IKZF2: variants seen among roughly 807,000 people sequenced by gnomAD.
IKZF2 encodes the protein IKAROS family zinc finger 2.
In IKZF2, 15 loss-of-function variants were observed where a neutral mutation model predicts 49.2. The observed-to-expected ratio is 0.30, with a 90% CI of 0.20 to 0.47. The LOEUF (loss-of-function observed/expected upper bound fraction) is 0.47, where lower values mean the gene tolerates loss of function less well. Among genes scored for constraint, IKZF2 ranks in the 20% least tolerant of loss-of-function variants. The probability of loss-of-function intolerance (pLI) is 1.00; values close to 1 mark genes in which losing one functional copy is unlikely to be tolerated. For missense variants in IKZF2, 567 were observed against 664.6 expected (o/e 0.85, Z 1.61); for synonymous variants, 227 against 221.4 (o/e 1.03, Z -0.23).
At chr2:213,102,540 T>A (rs1343240805) in intron 4 of IKZF2, among the ~76,000 whole-genome samples, 1 of 152,040 alleles carries the variant, frequency 6.6e-6, no homozygotes, top group African/African-American at 2.4e-5. Flanking sequence ...CAATAGGAAA[T>A]TTTTTAAGTA....
intron 6 of IKZF2, among the ~76,000 whole-genome samples, chr2:213,036,067 T>C (rs988125997): frequency 6.6e-6 from 1 of 152,156 alleles, no homozygotes; most frequent in Non-Finnish European, 1.5e-5. Flanking sequence ...TATACTATTG[T>C]TAGATTTATT....
intron 4 of IKZF2, among the ~76,000 whole-genome samples, chr2:213,060,951 T>C (rs1701622309): frequency 6.6e-6 from 1 of 151,512 alleles, no homozygotes; most frequent in Non-Finnish European, 1.5e-5. Context: ...GTGCCACATA[T>C]TTTTCCAAAC....
rs1421864995 is a variant in IKZF2 at position 213,001,696 on chromosome 2, G to A, written c.*5664C>T. The A allele has an allele frequency of 6.6e-6, 1 of 151,598 alleles. No individual in the cohort carries two copies. The highest frequency in any genetic ancestry group is 1.5e-5 in the Non-Finnish European group (1 of 67,458). 9.4% of individuals were successfully genotyped at this position (151,598 alleles called of 1,614,324 possible). ...CTTCAAACTTTTAGGAGAACAGAGA[G>A]GTAAACATCCATAGACAATGACAGA... is the stretch of plus-strand genomic sequence containing the variant. On this transcript the variant is annotated 3_prime_UTR_variant, in exon 9 of 9. Coordinates refer to ENST00000434687, the MANE Select transcript of IKZF2 (RefSeq NM_001387220.1).
chr2:213,039,393 A>T (rs966060934), intron 6 of IKZF2, among the ~76,000 whole-genome samples: 5 of 152,032 alleles, frequency 3.3e-5, no homozygotes, highest in Admixed American at 6.6e-5. Context: ...AGTTGGGAGG[A>T]AGTTGTTGTT....
At chr2:213,110,024 T>G (rs1248855344) in intron 4 of IKZF2, among the ~76,000 whole-genome samples, 1 of 152,076 alleles carries the variant, frequency 6.6e-6, no homozygotes, top group Non-Finnish European at 1.5e-5. Context: ...GTAAGGAATC[T>G]ACATCTAAAT....
chr2:213,125,939 T>C (rs1275870466), intron 4 of IKZF2, among the ~76,000 whole-genome samples: 1 of 152,182 alleles, frequency 6.6e-6, no homozygotes. Context: ...TGTACTAGTA[T>C]ATACCAAAAA....
chr2:213,007,292 T>C lies in IKZF2; in HGVS notation c.*68A>G, dbSNP rs1359655485. On this transcript the variant is annotated 3_prime_UTR_variant, in exon 9 of 9. Coordinates refer to ENST00000434687, the MANE Select transcript of IKZF2 (RefSeq NM_001387220.1). ...TGTCAACATTTGAGGAAAGGTGGGATTGTAAGTGCAGTATTTCTTCATGTG... is the reference window on the plus strand; with the variant it reads ...TGTCAACATTTGAGGAAAGGTGGGACTGTAAGTGCAGTATTTCTTCATGTG... The C allele has an allele frequency of 6.1e-6, 9 of 1,477,776 alleles. No homozygotes were observed. In the South Asian group the frequency reaches 1.1e-4, roughly 17 times the overall value. 91.5% of individuals were successfully genotyped at this position (1,477,776 alleles called of 1,614,324 possible).
chr2:213,069,325 T>A (rs927281292), intron 4 of IKZF2, among the ~76,000 whole-genome samples: 1 of 152,166 alleles, frequency 6.6e-6, no homozygotes, highest in Admixed American at 6.5e-5. Context: ...AAGCCTAAAG[T>A]CTTTGTTTTC....
chr2:213,026,792 A>G (rs1278222022), intron 6 of IKZF2, among the ~76,000 whole-genome samples: 2 of 152,040 alleles, frequency 1.3e-5, no homozygotes, highest in East Asian at 1.9e-4. Context: ...ACTGAACAAT[A>G]TATTTTGAAC....
At position 213,049,699 on chromosome 2, in the gene IKZF2, T is replaced by A. The variant is rs772873926; in HGVS notation, c.574+14A>T. The A allele has an allele frequency of 7.2e-6, 11 of 1,525,188 alleles. No individual in the cohort carries two copies. The African/African-American group carries it at 1.3e-4, about 17-fold the overall frequency. The allele number at this position is 1,525,188 out of a possible 1,614,324, so 94.5% of individuals were successfully genotyped here. On this transcript the variant is annotated intron_variant, in intron 6 of 8. Coordinates refer to ENST00000434687, the MANE Select transcript of IKZF2 (RefSeq NM_001387220.1). ...CTGTTTTACTTTTCTTCTCAAGGAG[T>A]TGGTGACACTTACCAGAATGGGTCC... is the stretch of plus-strand genomic sequence containing the variant.
At chr2:213,086,183 C>T (rs1202844700) in intron 4 of IKZF2, among the ~76,000 whole-genome samples, 1 of 152,156 alleles carries the variant, frequency 6.6e-6, no homozygotes, top group Non-Finnish European at 1.5e-5. Context: ...ACCTTATGTT[C>T]AGCAATATTC....
At chr2:213,071,473 C>T (rs1702695075) in intron 4 of IKZF2, among the ~76,000 whole-genome samples, 1 of 152,066 alleles carries the variant, frequency 6.6e-6, no homozygotes. Flanking sequence ...AGTGTTCATT[C>T]CTTCACTCAA....
At chr2:213,022,652 A>G (rs1036949571) in intron 6 of IKZF2, among the ~76,000 whole-genome samples, 2 of 152,232 alleles carry the variant, frequency 1.3e-5, no homozygotes, top group African/African-American at 4.8e-5. Context: ...AAAAGTACAG[A>G]TGAAAGTAGA....
At chr2:213,043,009 G>A (rs1351832898) in intron 6 of IKZF2, among the ~76,000 whole-genome samples, 1 of 152,036 alleles carries the variant, frequency 6.6e-6, no homozygotes, top group East Asian at 1.9e-4. Flanking sequence ...CATGGAAAAT[G>A]CTTAGTACAG....
intron 4 of IKZF2, among the ~76,000 whole-genome samples, chr2:213,116,577 A>T (rs1002672678): frequency 5.3e-5 from 8 of 152,160 alleles, no homozygotes; most frequent in Non-Finnish European, 1.0e-4. Flanking sequence ...TGTACAAAAA[A>T]CATTTAAAAA....
At chr2:213,108,223 A>C (rs571103920) in intron 4 of IKZF2, among the ~76,000 whole-genome samples, 91 of 152,316 alleles carry the variant, frequency 6.0e-4, no homozygotes, top group Admixed American at 1.2e-3. Context: ...TATCCATTGG[A>C]AAGTAGGTGA....
chr2:213,103,121 A>G (rs1217645279), intron 4 of IKZF2, among the ~76,000 whole-genome samples: 1 of 152,166 alleles, frequency 6.6e-6, no homozygotes, highest in African/African-American at 2.4e-5. Flanking sequence ...CTTAAAAAAT[A>G]TAAGTATTCT....
chr2:213,108,573 C>A (rs1395242385), intron 4 of IKZF2, among the ~76,000 whole-genome samples: 1 of 152,072 alleles, frequency 6.6e-6, no homozygotes, highest in African/African-American at 2.4e-5. Flanking sequence ...ATAAACCCCT[C>A]CTCAATAGGA....
intron 4 of IKZF2, among the ~76,000 whole-genome samples, chr2:213,088,642 A>C (rs1329433431): frequency 6.6e-6 from 1 of 152,072 alleles, no homozygotes; most frequent in African/African-American, 2.4e-5. Context: ...GGCTGTAATC[A>C]CACCACTTGG....
Sources: gnomAD v4.1 joint callset for allele counts (sites outside exome capture counted in the v4.1 genomes callset) on GRCh38, gnomAD v4.1.1 for gene constraint, MANE v1.5 for transcripts, NCBI Gene and HGNC (gene_info 2026-07-23, HGNC 2026-07-21) for gene names.